The following A2ML1 variants were observed in gnomAD, a reference collection of about 807,000 sequenced individuals.
A2ML1 encodes the protein alpha-2-macroglobulin like 1, also known as alpha-2-macroglobulin-like protein 1.
Under a neutral mutation model 181.9 loss-of-function variants are expected in A2ML1, and 161 were observed. The observed-to-expected ratio is 0.89, with a 90% CI of 0.78 to 1.01. A2ML1 has a LOEUF of 1.01. A2ML1 is among the 50% of genes least tolerant of loss of function. A2ML1 has a pLI of 0.00. For synonymous variants in A2ML1, 663 were observed against 666.8 expected (o/e 0.99, Z 0.09); for missense variants, 1,670 against 1,768.1 (o/e 0.94, Z 1.00).
intron 26 of A2ML1, 132 bp downstream of exon 26, chr12:8,858,234 C>G: frequency 8.8e-7 from 1 of 1,131,540 alleles, no homozygotes; most frequent in East Asian, 2.6e-5. Context: ...TCTGGGTGAC[C>G]GTGATCAAAA....
At chr12:8,840,358 A>C (rs1331728842) in intron 10 of A2ML1, among the ~76,000 whole-genome samples, 1 of 9,782 alleles carries the variant, frequency 1.0e-4, no homozygotes, top group East Asian at 0.083. Flanking sequence ...AGACTGTCTC[A>C]AAAAAAAAAA....
chr12:8,848,819 C>T lies in A2ML1; in HGVS notation c.1933C>T (p.Leu645Phe). 6.2e-7 allele frequency: 1 copy of T among 1,614,156 alleles called. No individual in the cohort carries two copies. The highest frequency in any genetic ancestry group is 1.7e-5 in the Admixed American group (1 of 60,010). The change falls in exon 16 of 36, where the codon CTC (leucine) becomes TTC (phenylalanine). Residue 645 changes from leucine to phenylalanine, a missense_variant. Physicochemically the swap from Leu to Phe is conservative, Grantham distance 22. Transcript: ENST00000299698. The part of the protein sequence containing the change: ...VSGPWDFPQP[L>F]IDPMPQGHSS... Reference sequence around the variant, plus strand: ...TGGCCCATGGGACTTTCCTCAGCCCCTCATTGACCCAATGCCCCAAGGGCA... The same window carrying T: ...TGGCCCATGGGACTTTCCTCAGCCCTTCATTGACCCAATGCCCCAAGGGCA...
At position 8,844,974 on chromosome 12, in the gene A2ML1, A is replaced by G. The variant is rs905482228; in HGVS notation, c.1477-468A>G. On this transcript the variant is annotated intron_variant, in intron 12 of 35. Transcript: ENST00000299698. ...TGAGAGTGGACGGGAAGGGGGAGTT[A>G]GAAGAGGAGATTTCTCCTCTAGAGG... 6 of 1,355,064 alleles carry G rather than the reference A, an allele frequency of 4.4e-6. No individual in the cohort carries two copies. In the African/African-American group the frequency reaches 7.4e-5, roughly 17 times the overall value. 83.9% of individuals were successfully genotyped at this position (1,355,064 alleles called of 1,614,324 possible).
At position 8,836,306 on chromosome 12, in the gene A2ML1, TG is replaced by T. The variant is rs1382273152; in HGVS notation, c.696del (p.Gln233ArgfsTer5). 6.2e-7 allele frequency: 1 copy of T among 1,614,036 alleles called. No homozygotes were observed. The highest frequency in any genetic ancestry group is 1.1e-5 in the South Asian group (1 of 91,078). ...GTGGAACCCAAGGAGTTATCAACGG[TG>T]CAGGAATCTTTCTTAGTAAAAATTT... ...EVVEPKELSTVQESFLVKICC... is the reference protein window; with the variant it reads ...EVVEPKELSTXQESFLVKICC... On this transcript the variant is annotated frameshift_variant, in exon 7 of 36. Transcript: ENST00000299698. LOFTEE classifies it high-confidence loss of function.
rs1291176752 is a variant in A2ML1 at position 8,874,500 on chromosome 12, A to T, written c.4297A>T (p.Ile1433Phe). The T allele has an allele frequency of 1.2e-6, 2 of 1,614,024 alleles. No individual in the cohort carries two copies. The highest frequency in any genetic ancestry group is 1.7e-6 in the Non-Finnish European group (2 of 1,179,914). The change falls in exon 34 of 36, where the codon ATC (isoleucine) becomes TTC (phenylalanine). Residue 1433 changes from isoleucine to phenylalanine, a missense_variant. By Grantham distance (21) the Ile-to-Phe change is conservative. Transcript: ENST00000299698. Reference sequence around the variant, plus strand: ...GGTCACCAACTTGAAACCAGCAACCATCAAGGTCTATGACTACTACCTACC... The same window carrying T: ...GGTCACCAACTTGAAACCAGCAACCTTCAAGGTCTATGACTACTACCTACC... ...VLVTNLKPATIKVYDYYLPDE... is the reference protein window; with the variant it reads ...VLVTNLKPATFKVYDYYLPDE...
chr12:8,834,874 C>T (rs905524793), intron 5 of A2ML1, 192 bp downstream of exon 5: 9 of 614,250 alleles, frequency 1.5e-5, no homozygotes, highest in Non-Finnish European at 2.6e-5. Context: ...TCTCTCACAC[C>T]TACATTTCAG....
At chr12:8,862,369 T>C (rs1461810715) in intron 28 of A2ML1, among the ~76,000 whole-genome samples, 2 of 151,994 alleles carry the variant, frequency 1.3e-5, no homozygotes, top group Admixed American at 1.3e-4. Flanking sequence ...CACTGGCTAA[T>C]CTTTGTATTT....
At chr12:8,828,199 T>A (rs938547780) in intron 3 of A2ML1, among the ~76,000 whole-genome samples, 5 of 152,240 alleles carry the variant, frequency 3.3e-5, no homozygotes, top group South Asian at 2.1e-4. Context: ...GGGTGGTGAG[T>A]TCCCCATGAC....
chr12:8,846,179 C>T lies in A2ML1; in HGVS notation c.1640C>T (p.Ala547Val). The change falls in exon 14 of 36, where the codon GCT becomes GTT. Residue 547 changes from alanine to valine, a missense_variant. By Grantham distance (64) the Ala-to-Val change is moderately conservative. Transcript: ENST00000299698. ...ATTTTTCCCAGTGGAGGTGTTGTAG[C>T]TGACAAAATTCAGTTCTCAGTCGAG... ...YAIFPSGGVV[A>V]DKIQFSVEMC... 1 of 1,614,140 alleles carries T rather than the reference C, an allele frequency of 6.2e-7. No individual in the cohort carries two copies. The highest frequency in any genetic ancestry group is 8.5e-7 in the Non-Finnish European group (1 of 1,180,014).
At chr12:8,880,776 T>C (rs1420740281), downstream of A2ML1, among the ~76,000 whole-genome samples, 3 of 152,106 alleles carry the variant, frequency 2.0e-5, no homozygotes, top group Non-Finnish European at 4.4e-5. Flanking sequence ...CAAGAACACA[T>C]GTTCATTAAT....
rs776004500 is a variant in A2ML1, at chr12:8,861,222, AT to A, written c.3431del (p.Phe1144SerfsTer17). ...NLYTQALLAY[I>X]FSLAGEMDIR... The stretch of plus-strand genomic sequence containing the variant: ...CTACACACAGGCCCTGTTGGCTTAC[AT>A]TTTCTCCCTGGCTGGGGAAATGGAC... On this transcript the variant is annotated frameshift_variant, in exon 28 of 36. Transcript: ENST00000299698. LOFTEE classifies it high-confidence loss of function. The A allele has an allele frequency of 1.2e-5, 20 of 1,614,068 alleles. No homozygotes were observed. Among genetic ancestry groups the A allele is most frequent in the Non-Finnish European group, 1.6e-5 (19 of 1,180,032 alleles).
In A2ML1 at chr12:8,849,811, A is replaced by G. The variant is rs773926873; in HGVS notation, c.2119+52A>G. The G allele has an allele frequency of 7.8e-6, 12 of 1,548,106 alleles. No individual in the cohort carries two copies. In the Admixed American group the frequency reaches 1.9e-4, roughly 24 times the overall value. Reference sequence around the variant, plus strand: ...TCTCTGAGATGTTAACAGTCCTGGAACTCTGCAGATTTCCTCTTGCCTCCT... The same window carrying G: ...TCTCTGAGATGTTAACAGTCCTGGAGCTCTGCAGATTTCCTCTTGCCTCCT... On this transcript the variant is annotated intron_variant, in intron 17 of 35. Transcript: ENST00000299698.
downstream of A2ML1, among the ~76,000 whole-genome samples, chr12:8,878,021 G>A (rs1027882664): frequency 6.6e-6 from 1 of 152,094 alleles, no homozygotes; most frequent in African/African-American, 2.4e-5. The surrounding 1 kb of genome is among the most constrained non-coding windows in gnomAD (Gnocchi z 4.4). Context: ...GAATGCAATC[G>A]GCCCAGTGCG....
intron 25 of A2ML1, 114 bp from the exon 26 acceptor site, chr12:8,857,832 C>T (rs890318860): frequency 3.0e-5 from 42 of 1,421,018 alleles, no homozygotes; most frequent in Middle Eastern, 3.7e-4. Context: ...CCTGCTATGG[C>T]ATATGTTCCC....
chr12:8,886,437 T>G (rs1371611308), intron 7 of A2ML1: 1 of 152,196 alleles, frequency 6.6e-6, no homozygotes, highest in Non-Finnish European at 1.5e-5. Flanking sequence ...AATTTCCTAT[T>G]TATTTTGTAT....
intron 12 of A2ML1, among the ~76,000 whole-genome samples, chr12:8,844,480 C>G (rs1943599708): frequency 6.6e-6 from 1 of 151,918 alleles, no homozygotes; most frequent in Non-Finnish European, 1.5e-5. Flanking sequence ...TCGATAGCAG[C>G]CTCATTGGGG....
In A2ML1 at chr12:8,855,498, G is replaced by T; in HGVS notation, c.2765-11G>T. ...CTTCTATTGTGTCACCTTTTTTTCT[G>T]CATCTCACAGGAAAGGTGGCATCTG... On this transcript the variant is annotated splice_polypyrimidine_tract_variant and intron_variant, in intron 22 of 35. Coordinates refer to ENST00000299698, the MANE Select transcript of A2ML1 (RefSeq NM_144670.6). The T allele has an allele frequency of 2.5e-6, 4 of 1,611,162 alleles. No homozygotes were observed. The highest frequency in any genetic ancestry group is 1.7e-5 in the Admixed American group (1 of 59,180).
At chr12:8,881,835 C>G (rs1944874235) in intron 7 of A2ML1, among the ~76,000 whole-genome samples, 1 of 151,930 alleles carries the variant, frequency 6.6e-6, no homozygotes, top group Non-Finnish European at 1.5e-5. Flanking sequence ...CACGGTGAAA[C>G]CCCGTCTGTA....
intron 1 of A2ML1, among the ~76,000 whole-genome samples, 193 bp from the exon 2 acceptor site, chr12:8,822,989 C>T (rs1942792977): frequency 6.6e-6 from 1 of 152,174 alleles, no homozygotes; most frequent in African/African-American, 2.4e-5. Context: ...CGGTGAGGGC[C>T]TCCTGATGGC....
Sources: allele counts gnomAD v4.1 joint callset (sites outside exome capture counted in the v4.1 genomes callset), GRCh38; gene constraint gnomAD v4.1.1; non-coding constraint Gnocchi (gnomAD v3.1); transcripts MANE v1.5; gene names NCBI Gene and HGNC (gene_info 2026-07-23, HGNC 2026-07-21).